The following SHC3 variants were observed in gnomAD, a reference collection of about 807,000 sequenced individuals.
The protein encoded by SHC3 is SHC-transforming protein 3.
Under a neutral mutation model 60.4 loss-of-function variants are expected in SHC3, and 15 were observed. That is an observed-to-expected ratio of 0.25 (90% confidence interval 0.17 to 0.38). SHC3 has a LOEUF of 0.38. Among genes scored for constraint, SHC3 ranks in the 10% least tolerant of loss-of-function variants. The pLI, the probability that SHC3 is intolerant of heterozygous loss-of-function variation, is 1.00. For synonymous variants in SHC3, 294 were observed against 325.9 expected (o/e 0.90, Z 1.05); for missense variants, 677 against 786.1 (o/e 0.86, Z 1.66).
chr9:89,155,234 A>G (rs1826605489), intron 1 of SHC3, among the ~76,000 whole-genome samples: 1 of 152,008 alleles, frequency 6.6e-6, no homozygotes, highest in African/African-American at 2.4e-5. Flanking sequence ...GACTCAATAC[A>G]AGCCTCCATT....
chr9:89,059,430 A>C (rs1296579226), intron 6 of SHC3, among the ~76,000 whole-genome samples: 2 of 135,872 alleles, frequency 1.5e-5, no homozygotes, highest in East Asian at 2.5e-4. Context: ...AGTGGTGGAC[A>C]TGGTGGAGGA....
intron 1 of SHC3, among the ~76,000 whole-genome samples, chr9:89,116,569 G>A (rs905363270): frequency 6.6e-6 from 1 of 152,108 alleles, no homozygotes; most frequent in South Asian, 2.1e-4. Flanking sequence ...ACCACAACTG[G>A]CATCACAGTT....
intron 2 of SHC3, among the ~76,000 whole-genome samples, chr9:89,079,024 A>G (rs1825406137): frequency 6.6e-6 from 1 of 152,256 alleles, no homozygotes; most frequent in South Asian, 2.1e-4. Flanking sequence ...ACAGACTATC[A>G]GGACAAGCTT....
At chr9:89,051,558 A>C (rs939007575) in intron 7 of SHC3, among the ~76,000 whole-genome samples, 1 of 152,268 alleles carries the variant, frequency 6.6e-6, no homozygotes, top group Non-Finnish European at 1.5e-5. Context: ...AGGTAAACAA[A>C]CTACCAAGCT....
At chr9:89,070,583 C>T (rs1825254880) in intron 5 of SHC3, among the ~76,000 whole-genome samples, 1 of 152,194 alleles carries the variant, frequency 6.6e-6, no homozygotes, top group South Asian at 2.1e-4. Flanking sequence ...GTAGCATTCC[C>T]GCCCAAATGT....
intron 1 of SHC3, among the ~76,000 whole-genome samples, chr9:89,118,551 G>C (rs1826048285): frequency 6.6e-6 from 1 of 151,818 alleles, no homozygotes; most frequent in East Asian, 1.9e-4. Flanking sequence ...AAAGAAACAT[G>C]CACTCATGGA....
intron 11 of SHC3, among the ~76,000 whole-genome samples, chr9:89,019,863 TA>T (rs1826169258): frequency 6.6e-6 from 1 of 152,182 alleles, no homozygotes; most frequent in Non-Finnish European, 1.5e-5. Flanking sequence ...ACAGTCTATT[TA>T]AAAACAAAAA....
chr9:89,154,171 A>G (rs533375492), intron 1 of SHC3, among the ~76,000 whole-genome samples: 2 of 152,198 alleles, frequency 1.3e-5, no homozygotes, highest in East Asian at 3.9e-4. Flanking sequence ...TCTGTTTCTT[A>G]AAACATTATG....
rs1214309461 is a variant in SHC3, at chr9:89,009,032, AACCCCTGG to A, written c.*4407_*4414del. 6.6e-6 allele frequency: 1 copy of A among 152,284 alleles called. No homozygotes were observed. The highest frequency in any genetic ancestry group is 1.5e-5 in the Non-Finnish European group (1 of 68,106). 9.4% of individuals were successfully genotyped at this position (152,284 alleles called of 1,614,324 possible). On this transcript the variant is annotated 3_prime_UTR_variant, in exon 12 of 12. Coordinates refer to ENST00000375835, the MANE Select transcript of SHC3 (RefSeq NM_016848.6). ...ATTTTGAGATGGAGCACAGATGTAG[AACCCCTGG>A]AGGGAAGCACTGCTTGCCATTTCCG...
At chr9:89,036,804 A>C (rs1824585940) in intron 11 of SHC3, among the ~76,000 whole-genome samples, 1 of 152,116 alleles carries the variant, frequency 6.6e-6, no homozygotes, top group Non-Finnish European at 1.5e-5. Context: ...AGTTGCGATC[A>C]CAGTTCAGGG....
At position 89,012,390 on chromosome 9, in the gene SHC3, A is replaced by G. The variant is rs144844637; in HGVS notation, c.*1057T>C. 3 of 152,258 alleles carry G rather than the reference A, an allele frequency of 2.0e-5. No individual in the cohort carries two copies. The highest frequency in any genetic ancestry group is 7.2e-5 in the African/African-American group (3 of 41,536). 9.4% of individuals were successfully genotyped at this position (152,258 alleles called of 1,614,324 possible). Reference sequence around the variant, plus strand: ...CCCTCATGCCAGAGGCAGTACCTCAAATGGATTCCAGTGACTCCTGGGTTT... The same window carrying G: ...CCCTCATGCCAGAGGCAGTACCTCAGATGGATTCCAGTGACTCCTGGGTTT... On this transcript the variant is annotated 3_prime_UTR_variant, in exon 12 of 12. Coordinates refer to ENST00000375835, the MANE Select transcript of SHC3 (RefSeq NM_016848.6).
At chr9:89,151,381 G>T (rs1002026591) in intron 1 of SHC3, among the ~76,000 whole-genome samples, 1 of 152,078 alleles carries the variant, frequency 6.6e-6, no homozygotes, top group Non-Finnish European at 1.5e-5. Flanking sequence ...AAGTCATGAG[G>T]GCTCTGTCCT....
chr9:89,169,482 C>A (rs1444410691), intron 1 of SHC3, among the ~76,000 whole-genome samples: 2 of 152,186 alleles, frequency 1.3e-5, no homozygotes, highest in African/African-American at 2.4e-5. Context: ...TAGAGCTCCA[C>A]TAACACATTT....
chr9:89,050,166 T>G (rs142691015), intron 7 of SHC3, among the ~76,000 whole-genome samples: 16 of 152,370 alleles, frequency 1.1e-4, no homozygotes, highest in African/African-American at 3.6e-4. Flanking sequence ...TATTATAAAA[T>G]GGTGTAGGGG....
rs1418066248 is a variant in SHC3 at position 89,175,084 on chromosome 9, T to C, written c.474+2903A>G. ...GTCCAAATATCAAATACTTTTAAAA[T>C]GGAAATTTAATGAAAATAGTCATTG... is the stretch of plus-strand genomic sequence containing the variant. On this transcript the variant is annotated intron_variant, in intron 1 of 11. Coordinates refer to ENST00000375835, the MANE Select transcript of SHC3 (RefSeq NM_016848.6). 2.6e-5 allele frequency among the ~76,000 whole-genome samples: 4 copies of C among 152,376 alleles called. No individual in the cohort carries two copies. The East Asian group carries it at 7.7e-4, about 29-fold the overall frequency.
chr9:89,076,943 C>T (rs1825367281), intron 3 of SHC3, among the ~76,000 whole-genome samples: 1 of 152,148 alleles, frequency 6.6e-6, no homozygotes, highest in Non-Finnish European at 1.5e-5. Context: ...CTTTGGGAAG[C>T]CAAGGCGGGT....
intron 2 of SHC3, among the ~76,000 whole-genome samples, chr9:89,082,133 G>A (rs773216919): frequency 2.0e-5 from 3 of 152,096 alleles, no homozygotes; most frequent in Non-Finnish European, 4.4e-5. Flanking sequence ...AAGCCATGGC[G>A]AGCACCTCCC....
intron 1 of SHC3, among the ~76,000 whole-genome samples, chr9:89,151,269 T>C (rs574435667): frequency 1.6e-4 from 25 of 152,268 alleles, no homozygotes; most frequent in South Asian, 8.3e-4. Context: ...TCTATTCAAA[T>C]CCTCATAAGG....
chr9:89,108,540 TAC>T (rs141450227), intron 2 of SHC3, among the ~76,000 whole-genome samples: 3,300 of 147,698 alleles, frequency 0.022, 119 homozygotes, highest in East Asian at 0.19. Flanking sequence ...TGCATATACA[TAC>T]ACACACACAC....
Sources: gnomAD v4.1 joint callset for allele counts (sites outside exome capture counted in the v4.1 genomes callset) on GRCh38, gnomAD v4.1.1 for gene constraint, MANE v1.5 for transcripts, NCBI Gene and HGNC (gene_info 2026-07-23, HGNC 2026-07-21) for gene names.